The following MYO5A variants were observed in gnomAD, a reference collection of about 807,000 sequenced individuals.
MYO5A encodes unconventional myosin-Va.
MYO5A carries 98 observed loss-of-function variants against 249.7 expected under a neutral mutation model. The observed-to-expected ratio is 0.39, with a 90% CI of 0.33 to 0.46. The LOEUF (loss-of-function observed/expected upper bound fraction) is 0.46. Ranked by LOEUF, MYO5A falls within the 20% of genes least tolerant of loss-of-function variation. The probability of loss-of-function intolerance (pLI) is 0.98; values close to 1 mark genes in which losing one functional copy is unlikely to be tolerated. For missense variants in MYO5A, 1,696 were observed against 2,308.8 expected (o/e 0.73, Z 5.44); for synonymous variants, 778 against 810.6 (o/e 0.96, Z 0.68).
rs1048005568 is a variant in MYO5A, at chr15:52,310,043, G to T, written c.*3653C>A. The T allele has an allele frequency of 6.6e-6, 1 of 152,094 alleles. No individual in the cohort carries two copies. Among genetic ancestry groups the T allele is most frequent in the African/African-American group, 2.4e-5 (1 of 41,396 alleles). 9.4% of individuals were successfully genotyped at this position (152,094 alleles called of 1,614,324 possible). The stretch of plus-strand genomic sequence containing the variant: ...TAGCTGTAACCTTAGTAAAAGATTT[G>T]ATCTATATTACACATAATTACTCAC... On this transcript the variant is annotated 3_prime_UTR_variant, in exon 42 of 42. Transcript: ENST00000399233.
intron 36 of MYO5A, chr15:52,323,681 T>A (rs528129171): frequency 2.4e-6 from 1 of 424,992 alleles, no homozygotes; most frequent in South Asian, 2.1e-5. Context: ...ATTAAACTGA[T>A]GCGAATTTAG....
At chr15:52,498,238 GGA>G (rs2077082234) in intron 1 of MYO5A, among the ~76,000 whole-genome samples, 1 of 152,118 alleles carries the variant, frequency 6.6e-6, no homozygotes, top group African/African-American at 2.4e-5. Flanking sequence ...CCCTATTGCT[GGA>G]CATCTACGTT....
chr15:52,313,972 T>G (rs1429810148), intron 41 of MYO5A, 124 bp from the exon 42 acceptor site: 2 of 1,377,444 alleles, frequency 1.5e-6, no homozygotes, highest in African/African-American at 2.9e-5. Context: ...TGTTTTAAAC[T>G]CACTTCATTT....
intron 31 of MYO5A, among the ~76,000 whole-genome samples, chr15:52,341,990 T>C (rs559594641): frequency 6.6e-6 from 1 of 152,166 alleles, no homozygotes; most frequent in East Asian, 1.9e-4. Context: ...GTTTCACAAA[T>C]GTGAATTTCA....
At position 52,339,129 on chromosome 15, in the gene MYO5A, G is replaced by A. The variant is rs1211098861; in HGVS notation, c.4239+1067C>T. On this transcript the variant is annotated intron_variant, in intron 32 of 41. Coordinates refer to ENST00000399233, the MANE Select transcript of MYO5A (RefSeq NM_001382347.1). The stretch of plus-strand genomic sequence containing the variant: ...CATTCCCATGGTGGAGCCTCATACA[G>A]ACAGACTGTGAAAAAGAATACCTTT... 7.4e-5 allele frequency among the ~76,000 whole-genome samples: 11 copies of A among 148,718 alleles called. 1 individual carries two copies. The highest frequency in any genetic ancestry group is 7.2e-4 in the Admixed American group (11 of 15,246).
chr15:52,410,798 G>A (rs892397137), intron 5 of MYO5A, among the ~76,000 whole-genome samples: 2 of 151,908 alleles, frequency 1.3e-5, no homozygotes, highest in Non-Finnish European at 2.9e-5. Context: ...GGCTAGTCTC[G>A]AGCTCCTGAC....
chr15:52,347,930 G>A (rs2141010212), intron 29 of MYO5A, among the ~76,000 whole-genome samples: 1 of 152,248 alleles, frequency 6.6e-6, no homozygotes, highest in Middle Eastern at 3.4e-3. Flanking sequence ...AAACCCATAA[G>A]TAATAACTTT....
chr15:52,421,903 T>C (rs1305812703), intron 4 of MYO5A, among the ~76,000 whole-genome samples: 2 of 152,194 alleles, frequency 1.3e-5, no homozygotes, highest in Non-Finnish European at 2.9e-5. Flanking sequence ...CCAAAGTTAA[T>C]TGCATATAAC....
intron 1 of MYO5A, among the ~76,000 whole-genome samples, chr15:52,452,841 C>A: frequency 7.0e-6 from 1 of 142,696 alleles, no homozygotes; most frequent in South Asian, 2.2e-4. Context: ...AAGTGAGACT[C>A]CATGTAAAAA....
intron 1 of MYO5A, among the ~76,000 whole-genome samples, chr15:52,443,177 GACA>G (rs2075819570): frequency 1.3e-5 from 2 of 152,118 alleles, no homozygotes; most frequent in African/African-American, 4.8e-5. Context: ...TCTCATCTAA[GACA>G]ACATGTCAAA....
chr15:52,498,666 C>T (rs2077091438), intron 1 of MYO5A, among the ~76,000 whole-genome samples: 1 of 152,078 alleles, frequency 6.6e-6, no homozygotes, highest in Non-Finnish European at 1.5e-5. Flanking sequence ...GATATTATTA[C>T]TTTTTATATA....
intron 1 of MYO5A, among the ~76,000 whole-genome samples, chr15:52,483,526 AAAC>A (rs527258911): frequency 2.0e-5 from 3 of 147,344 alleles, no homozygotes; most frequent in African/African-American, 4.9e-5. Context: ...ATATATTTAA[AAAC>A]AACAACAACA....
chr15:52,355,615 A>G (rs943762525), intron 25 of MYO5A, among the ~76,000 whole-genome samples: 4 of 152,216 alleles, frequency 2.6e-5, no homozygotes, highest in African/African-American at 9.6e-5. Flanking sequence ...GTATTACAAT[A>G]TTCTATATTT....
intron 4 of MYO5A, among the ~76,000 whole-genome samples, chr15:52,419,559 A>G (rs1254521776): frequency 6.6e-6 from 1 of 152,188 alleles, no homozygotes; most frequent in Admixed American, 6.5e-5. Flanking sequence ...TTACAATTAT[A>G]ATATTAATTT....
rs773469925 is a variant in MYO5A at position 52,336,605 on chromosome 15, T to G, written c.4315-49A>C. On this transcript the variant is annotated intron_variant, in intron 33 of 41. Coordinates refer to ENST00000399233, the MANE Select transcript of MYO5A (RefSeq NM_001382347.1). ...ATTAGAAAAATCGAAACAGGCCTTC[T>G]AAAATGCATCAAAGGAAAATAGACA... The G allele has an allele frequency of 2.3e-6, 3 of 1,319,178 alleles. No individual in the cohort carries two copies. The South Asian group carries it at 3.7e-5, about 16-fold the overall frequency. 81.7% of individuals were successfully genotyped at this position (1,319,178 alleles called of 1,614,324 possible).
At chr15:52,416,107 G>C (rs1439071479) in intron 5 of MYO5A, 38 bp downstream of exon 5, 1 of 1,611,140 alleles carries the variant, frequency 6.2e-7, no homozygotes, top group Non-Finnish European at 8.5e-7. Context: ...TTCTTATCAA[G>C]AGAATATAGG....
chr15:52,360,662 T>A (rs867295653), intron 24 of MYO5A, among the ~76,000 whole-genome samples: 16 of 152,234 alleles, frequency 1.1e-4, no homozygotes, highest in African/African-American at 3.9e-4. Flanking sequence ...GCTCTAGTAA[T>A]CCTCTGAAGA....
Position 52,506,481 on chromosome 15 carries a change from C to T in MYO5A, c.27+22299G>A, listed in dbSNP as rs146647534. ...AGTGGAGGTTACAGTTAGCCGAGAT[C>T]GCGCCATTGTACTCCAGCCTGGGCA... On this transcript the variant is annotated intron_variant, in intron 1 of 41. Coordinates refer to ENST00000399233, the MANE Select transcript of MYO5A (RefSeq NM_001382347.1). Among the ~76,000 whole-genome samples the T allele has an allele frequency of 2.7e-3, 413 of 150,348 alleles. 2 individuals carry two copies. The highest frequency in any genetic ancestry group is 9.7e-3 in the African/African-American group (395 of 40,776).
chr15:52,416,534 G>A (rs973109022), intron 4 of MYO5A, among the ~76,000 whole-genome samples: 1 of 151,820 alleles, frequency 6.6e-6, no homozygotes, highest in Admixed American at 6.6e-5. Flanking sequence ...GGTTGAGGAG[G>A]ATATTTATTA....
Sources: allele counts gnomAD v4.1 joint callset (sites outside exome capture counted in the v4.1 genomes callset), GRCh38; gene constraint gnomAD v4.1.1; transcripts MANE v1.5; gene names NCBI Gene and HGNC (gene_info 2026-07-23, HGNC 2026-07-21).